Variants in RIPOR3 observed in about 807,000 individuals in gnomAD.
RIPOR3 encodes RIPOR family member 3, also known as family with sequence similarity 65 member C.
A neutral mutation model predicts 114.3 loss-of-function variants in RIPOR3; 95 were observed. The ratio of observed to expected loss-of-function variants is 0.83; its 90% CI spans 0.70 to 0.99. The LOEUF (loss-of-function observed/expected upper bound fraction) is 0.99, where lower values mean the gene tolerates loss of function less well. Ranked by LOEUF, RIPOR3 falls within the 50% of genes least tolerant of loss-of-function variation. RIPOR3 has a pLI of 0.00. For missense variants in RIPOR3, 1,252 were observed against 1,266.9 expected (o/e 0.99, Z 0.18); for synonymous variants, 575 against 543.8 (o/e 1.06, Z -0.80).
intron 1 of RIPOR3, among the ~76,000 whole-genome samples, chr20:50,650,357 C>A (rs1051492694): frequency 6.6e-6 from 1 of 152,084 alleles, no homozygotes; most frequent in African/African-American, 2.4e-5. Flanking sequence ...GGCTGTAGTG[C>A]AGTGGCGCAA....
intron 1 of RIPOR3, among the ~76,000 whole-genome samples, chr20:50,677,432 C>T (rs375597507): frequency 9.6e-5 from 14 of 146,160 alleles, no homozygotes; most frequent in African/African-American, 2.6e-4. Context: ...GGTGCAGTGG[C>T]GCAATCTCGG....
intron 1 of RIPOR3, among the ~76,000 whole-genome samples, chr20:50,637,864 G>C (rs923519042): frequency 1.3e-5 from 2 of 151,996 alleles, no homozygotes; most frequent in Non-Finnish European, 2.9e-5. Flanking sequence ...GATAAAGCAA[G>C]ACTTCGTCTC....
At chr20:50,624,585 AC>A (rs1202198112) in intron 2 of RIPOR3, among the ~76,000 whole-genome samples, 1 of 152,226 alleles carries the variant, frequency 6.6e-6, no homozygotes, top group Non-Finnish European at 1.5e-5. Flanking sequence ...AAGGTGATGC[AC>A]ATGCAGCCTC....
chr20:50,649,146 G>A (rs1478376704), intron 1 of RIPOR3, among the ~76,000 whole-genome samples: 2 of 152,140 alleles, frequency 1.3e-5, no homozygotes, highest in Non-Finnish European at 2.9e-5. Context: ...ATAAGGATAT[G>A]ACGGTATTGA....
At chr20:50,661,340 G>C (rs2085989641) in intron 1 of RIPOR3, among the ~76,000 whole-genome samples, 1 of 152,150 alleles carries the variant, frequency 6.6e-6, no homozygotes, top group South Asian at 2.1e-4. Context: ...CTCCCAAAGT[G>C]CTGGGATTAC....
At chr20:50,659,079 G>A (rs887456363) in intron 1 of RIPOR3, among the ~76,000 whole-genome samples, 2 of 152,112 alleles carry the variant, frequency 1.3e-5, no homozygotes, top group African/African-American at 2.4e-5. Context: ...CTTCCAGACC[G>A]ATTAGTGACG....
intron 1 of RIPOR3, among the ~76,000 whole-genome samples, chr20:50,669,883 G>A (rs549376997): frequency 3.3e-5 from 5 of 151,696 alleles, no homozygotes; most frequent in East Asian, 1.9e-4. Context: ...AAGGCTGGGC[G>A]CAGTGGCTCA....
In RIPOR3 at chr20:50,636,755, G is replaced by T. The variant is rs190721831; in HGVS notation, c.4-5899C>A. 7 of 985,412 alleles carry T rather than the reference G, an allele frequency of 7.1e-6. No homozygotes were observed. The African/African-American group carries it at 1.2e-4, about 17-fold the overall frequency. 61.0% of individuals were successfully genotyped at this position (985,412 alleles called of 1,614,324 possible). A position where few individuals can be genotyped will look rare whatever the true frequency, so the allele number is the denominator to read the frequency against. On this transcript the variant is annotated intron_variant, in intron 1 of 21. Coordinates refer to ENST00000327979, the MANE Select transcript of RIPOR3 (RefSeq NM_001290268.2). Reference sequence around the variant, plus strand: ...CCTCCGTCCCCAAGGTGTGGCTGGAGGAAGCAGAGTCTACTCCCGCTAAGT... The same window carrying T: ...CCTCCGTCCCCAAGGTGTGGCTGGATGAAGCAGAGTCTACTCCCGCTAAGT...
chr20:50,594,455 C>A, intron 17 of RIPOR3, 98 bp downstream of exon 17: 1 of 1,390,390 alleles, frequency 7.2e-7, no homozygotes, highest in Non-Finnish European at 9.9e-7. Context: ...GAGGTGAAGA[C>A]AGGGCTGAAA....
At chr20:50,666,903 G>A (rs1568946451) in intron 1 of RIPOR3, among the ~76,000 whole-genome samples, 1 of 152,108 alleles carries the variant, frequency 6.6e-6, no homozygotes, top group Non-Finnish European at 1.5e-5. Context: ...CATCTTATCT[G>A]CATGATCCCT....
At chr20:50,646,397 G>T (rs1373466330) in intron 1 of RIPOR3, among the ~76,000 whole-genome samples, 1 of 152,056 alleles carries the variant, frequency 6.6e-6, no homozygotes, top group Admixed American at 6.6e-5. Context: ...CTCCCAAAGT[G>T]CTGGGATTAC....
chr20:50,612,647 A>T lies in RIPOR3; in HGVS notation c.349-1443T>A, dbSNP rs181523092. Among the ~76,000 whole-genome samples, 1,072 of 152,352 alleles carry T rather than the reference A, an allele frequency of 7.0e-3. 13 individuals carry two copies. The highest frequency in any genetic ancestry group is 0.027 in the Middle Eastern group (8 of 294). On this transcript the variant is annotated intron_variant, in intron 4 of 21. Transcript: ENST00000327979. ...TGACCAGAGAGAAAAATATGGAAAGATCAATAAAAGATTGTTCTCAAGGGT... is the reference window on the plus strand; with the variant it reads ...TGACCAGAGAGAAAAATATGGAAAGTTCAATAAAAGATTGTTCTCAAGGGT...
At chr20:50,633,941 ATTTC>A (rs1180803896) in intron 1 of RIPOR3, among the ~76,000 whole-genome samples, 3 of 134,066 alleles carry the variant, frequency 2.2e-5, no homozygotes, top group African/African-American at 8.1e-5. Context: ...GGACACACAT[ATTTC>A]TTTCTTTATT....
In RIPOR3 at chr20:50,596,122, G is replaced by A; in HGVS notation, c.1914+18C>T. 1 of 1,613,950 alleles carries A rather than the reference G, an allele frequency of 6.2e-7. No individual in the cohort carries two copies. Among genetic ancestry groups the A allele is most frequent in the South Asian group, 1.1e-5 (1 of 91,076 alleles). ...ACCCCTGTCTGCCCCTCCCTGACAA[G>A]TCCCCTAGCCCAGCCACCTGCAGCA... On this transcript the variant is annotated intron_variant, in intron 15 of 21. Coordinates refer to ENST00000327979, the MANE Select transcript of RIPOR3 (RefSeq NM_001290268.2).
rs986794184 is a variant in RIPOR3, at chr20:50,592,965, C to A, written c.2374+70G>T. 12 of 1,567,964 alleles carry A rather than the reference C, an allele frequency of 7.7e-6. No homozygotes were observed. The East Asian group carries it at 2.5e-4, about 32-fold the overall frequency. ...GGATGTAGTGGTTCTGAATTATAAC[C>A]TGAGAAACTGCATGTGACAGGGCTC... On this transcript the variant is annotated intron_variant, in intron 18 of 21. Coordinates refer to ENST00000327979, the MANE Select transcript of RIPOR3 (RefSeq NM_001290268.2).
At chr20:50,644,844 AT>A (rs34862675) in intron 1 of RIPOR3, among the ~76,000 whole-genome samples, 42,602 of 136,402 alleles carry the variant, frequency 0.31, 6,700 homozygotes, top group African/African-American at 0.4. Context: ...TTTATTTTTT[AT>A]TTTTTTTTTT....
intron 1 of RIPOR3, among the ~76,000 whole-genome samples, chr20:50,645,228 C>T (rs2085359142): frequency 6.6e-6 from 1 of 152,192 alleles, no homozygotes; most frequent in South Asian, 2.1e-4. Flanking sequence ...AAGGATGGAG[C>T]CCAGGCAGGG....
chr20:50,630,475 G>A (rs2084775081), intron 2 of RIPOR3, among the ~76,000 whole-genome samples: 2 of 152,046 alleles, frequency 1.3e-5, no homozygotes, highest in African/African-American at 4.8e-5. Context: ...ATCAACTTCT[G>A]GAGACTTTGA....
chr20:50,592,891 C>T (rs576464535), intron 18 of RIPOR3, 144 bp downstream of exon 18: 33 of 1,122,360 alleles, frequency 2.9e-5, no homozygotes, highest in African/African-American at 4.6e-5. Context: ...ATCGGCTGAA[C>T]GCAGAATCTC....
Sources: gnomAD v4.1 joint callset for allele counts (sites outside exome capture counted in the v4.1 genomes callset) on GRCh38, gnomAD v4.1.1 for gene constraint, MANE v1.5 for transcripts, NCBI Gene and HGNC (gene_info 2026-07-23, HGNC 2026-07-21) for gene names.